DNM3: variants seen among roughly 807,000 people sequenced by gnomAD.
The protein encoded by DNM3 is dynamin 3.
In DNM3, 47 loss-of-function variants were observed where a neutral mutation model predicts 101.6. That is an observed-to-expected ratio of 0.46 (90% confidence interval 0.37 to 0.59). DNM3 has a LOEUF of 0.59. DNM3 is among the 20% of genes least tolerant of loss of function. The pLI is 0.00. For missense variants in DNM3, 849 were observed against 1,085.7 expected (o/e 0.78, Z 3.06); for synonymous variants, 385 against 387.9 (o/e 0.99, Z 0.09).
At position 172,296,194 on chromosome 1, in the gene DNM3, C is replaced by A. The variant is rs2064154279; in HGVS notation, c.1770-12534C>A. On this transcript the variant is annotated intron_variant, in intron 15 of 20. Coordinates refer to ENST00000627582, the MANE Select transcript of DNM3 (RefSeq NM_015569.5). ...ACCTTGGGGTACAGTGTAATCAAATCAAGTCATCCAAATATCCCTTTTAAT... is the reference window on the plus strand; with the variant it reads ...ACCTTGGGGTACAGTGTAATCAAATAAAGTCATCCAAATATCCCTTTTAAT... Among the ~76,000 whole-genome samples, 3 of 152,204 alleles carry A rather than the reference C, an allele frequency of 2.0e-5. No individual in the cohort carries two copies. The South Asian group carries it at 6.2e-4, about 32-fold the overall frequency.
intron 2 of DNM3, among the ~76,000 whole-genome samples, chr1:171,963,186 C>A (rs1396890193): frequency 2.0e-5 from 3 of 151,990 alleles, no homozygotes; most frequent in Non-Finnish European, 4.4e-5. Context: ...TATACCCGGA[C>A]AATGGAATAT....
intron 2 of DNM3, among the ~76,000 whole-genome samples, chr1:171,944,823 T>G (rs1239653018): frequency 7.1e-6 from 1 of 141,492 alleles, no homozygotes; most frequent in East Asian, 2.0e-4. Context: ...TATTAAAGTG[T>G]TTTTTTTTGT....
chr1:172,118,622 A>G (rs975284103), intron 13 of DNM3, among the ~76,000 whole-genome samples: 2 of 151,884 alleles, frequency 1.3e-5, no homozygotes, highest in Non-Finnish European at 2.9e-5. Flanking sequence ...GTATTGATTC[A>G]CCATATGAAA....
chr1:172,042,013 G>A lies in DNM3; in HGVS notation c.997G>A (p.Val333Ile). 6.3e-7 allele frequency: 1 copy of A among 1,591,574 alleles called. No homozygotes were observed. Among genetic ancestry groups the A allele is most frequent in the East Asian group, 2.2e-5 (1 of 44,522 alleles). Residue 333 changes from valine to isoleucine, a missense_variant, in exon 8 of 21, where the codon GTT becomes ATT. Val to Ile is a conservative substitution (Grantham distance 29). Transcript: ENST00000627582. ...TRKTKALLQM[V>I]QQFAVDFEKR... ...ATTTCTCTTTAACAATTACAGGATG[G>A]TTCAGCAATTTGCTGTGGACTTTGA...
intron 2 of DNM3, among the ~76,000 whole-genome samples, chr1:171,937,648 C>A (rs1318671655): frequency 6.6e-6 from 1 of 152,190 alleles, no homozygotes; most frequent in Non-Finnish European, 1.5e-5. Context: ...TGGCTCACTG[C>A]AACCTTGATC....
chr1:172,303,520 T>C (rs1289446509), intron 15 of DNM3, among the ~76,000 whole-genome samples: 1 of 151,932 alleles, frequency 6.6e-6, no homozygotes, highest in Non-Finnish European at 1.5e-5. Context: ...ATTCAGGAAA[T>C]ACAGAGAACA....
At chr1:172,160,338 G>A (rs750368143) in intron 14 of DNM3, among the ~76,000 whole-genome samples, 18 of 151,852 alleles carry the variant, frequency 1.2e-4, no homozygotes, top group African/African-American at 1.7e-4. Context: ...TTGACTATTC[G>A]TAATACAGCT....
intron 9 of DNM3, among the ~76,000 whole-genome samples, chr1:172,046,583 G>GA (rs5778718): frequency 0.41 from 61,852 of 151,094 alleles, 13,784 homozygotes; most frequent in East Asian, 0.68. Context: ...AGAAAAAAGA[G>GA]AAAAAAAAAT....
chr1:172,009,609 A>G (rs994758634), intron 4 of DNM3, among the ~76,000 whole-genome samples: 3 of 151,750 alleles, frequency 2.0e-5, no homozygotes, highest in Admixed American at 6.6e-5. Flanking sequence ...AAGTCAATAC[A>G]GTACATTTCC....
chr1:172,102,798 C>G (rs1031907578), intron 13 of DNM3, among the ~76,000 whole-genome samples: 4 of 152,102 alleles, frequency 2.6e-5, no homozygotes, highest in Non-Finnish European at 5.9e-5. Context: ...CTTTTATCCT[C>G]TTTGATGCTC....
intron 12 of DNM3, among the ~76,000 whole-genome samples, chr1:172,091,932 T>G (rs1477002743): frequency 2.0e-5 from 3 of 152,116 alleles, no homozygotes; most frequent in Admixed American, 2.0e-4. Context: ...TGGTTAAATG[T>G]TAAATTTATT....
At chr1:172,328,779 CT>C (rs994215637) in intron 17 of DNM3, among the ~76,000 whole-genome samples, 14 of 152,156 alleles carry the variant, frequency 9.2e-5, no homozygotes, top group African/African-American at 2.7e-4. Context: ...TATCTACCCC[CT>C]GAGCCTAAAA....
chr1:172,391,559 T>C (rs1441588398), intron 20 of DNM3, among the ~76,000 whole-genome samples: 1 of 152,220 alleles, frequency 6.6e-6, no homozygotes, highest in Non-Finnish European at 1.5e-5. Flanking sequence ...AGAGAAGCGC[T>C]TGTTGAAACT....
intron 12 of DNM3, among the ~76,000 whole-genome samples, chr1:172,090,636 T>C (rs555841940): frequency 3.9e-5 from 6 of 152,240 alleles, no homozygotes; most frequent in Admixed American, 6.5e-5. Flanking sequence ...ATACACAAAA[T>C]ATTTTTAGCA....
At chr1:172,213,739 C>T (rs919453213) in intron 14 of DNM3, among the ~76,000 whole-genome samples, 1 of 150,816 alleles carries the variant, frequency 6.6e-6, no homozygotes, top group African/African-American at 2.4e-5. Flanking sequence ...GAGGCAGGAG[C>T]ATAGCTTGAA....
chr1:172,201,763 G>A (rs1388486025), intron 14 of DNM3, among the ~76,000 whole-genome samples: 8 of 152,216 alleles, frequency 5.3e-5, no homozygotes, highest in Admixed American at 2.0e-4. Context: ...AGGAATTTCC[G>A]AATTGCTACT....
intron 2 of DNM3, among the ~76,000 whole-genome samples, chr1:171,935,441 T>G (rs1435325333): frequency 6.6e-6 from 1 of 152,172 alleles, no homozygotes; most frequent in African/African-American, 2.4e-5. Context: ...AAGTGCTAGG[T>G]CAAGGTAATT....
chr1:172,222,153 T>A (rs571326333), intron 14 of DNM3, among the ~76,000 whole-genome samples: 1 of 152,240 alleles, frequency 6.6e-6, no homozygotes, highest in Non-Finnish European at 1.5e-5. Flanking sequence ...AAGCCACATG[T>A]GAAGAGTTAA....
intron 10 of DNM3, among the ~76,000 whole-genome samples, chr1:172,061,537 T>A (rs2051206883): frequency 6.6e-6 from 1 of 151,776 alleles, no homozygotes; most frequent in Non-Finnish European, 1.5e-5. Flanking sequence ...GATGAGTTCG[T>A]GTCCTTTGTA....
Sources: allele counts gnomAD v4.1 joint callset (sites outside exome capture counted in the v4.1 genomes callset), GRCh38; gene constraint gnomAD v4.1.1; transcripts MANE v1.5; gene names NCBI Gene and HGNC (gene_info 2026-07-23, HGNC 2026-07-21).